UNC5D: variants seen among roughly 807,000 people sequenced by gnomAD.
UNC5D encodes unc-5 netrin receptor D, also known as netrin receptor UNC5D.
A neutral mutation model predicts 105.4 loss-of-function variants in UNC5D; 39 were observed. That is an observed-to-expected ratio of 0.37 (90% CI 0.29 to 0.48). UNC5D has a LOEUF of 0.48. Among genes scored for constraint, UNC5D ranks in the 20% least tolerant of loss-of-function variants. The pLI is 0.98. For missense variants in UNC5D, 991 were observed against 1,202.4 expected (o/e 0.82, Z 2.60); for synonymous variants, 452 against 450.4 (o/e 1.00, Z -0.04).
intron 4 of UNC5D, among the ~76,000 whole-genome samples, chr8:35,638,131 A>T (rs4534130): frequency 0.91 from 137,839 of 152,262 alleles, 62,413 homozygotes; most frequent in East Asian, 0.96. Context: ...ATTTGCTTTT[A>T]AAATTCACAA....
intron 1 of UNC5D, among the ~76,000 whole-genome samples, chr8:35,359,070 G>C (rs1292901756): frequency 6.6e-6 from 1 of 152,168 alleles, no homozygotes; most frequent in Non-Finnish European, 1.5e-5. Flanking sequence ...AGGATCACTT[G>C]AGCCCAGTAG....
intron 1 of UNC5D, among the ~76,000 whole-genome samples, chr8:35,387,903 T>C (rs1188097399): frequency 1.3e-5 from 2 of 152,336 alleles, no homozygotes; most frequent in South Asian, 4.1e-4. Context: ...AAATGAATAC[T>C]ATCTGCTTCT....
At chr8:35,536,579 T>C (rs1814858619) in intron 1 of UNC5D, among the ~76,000 whole-genome samples, 1 of 152,214 alleles carries the variant, frequency 6.6e-6, no homozygotes, top group East Asian at 1.9e-4. Context: ...TGTCAACAGA[T>C]ACCCTTTCTG....
chr8:35,538,391 ATAATTATATATATATATATATAT>A (rs1328721402), intron 1 of UNC5D, among the ~76,000 whole-genome samples: 1 of 105,686 alleles, frequency 9.5e-6, no homozygotes, highest in African/African-American at 4.0e-5. Flanking sequence ...TTAAAAAAAA[ATAATTATATATATATATATATAT>A]ATATATATAT....
At chr8:35,279,987 T>A (rs1432133392) in intron 1 of UNC5D, among the ~76,000 whole-genome samples, 1 of 152,174 alleles carries the variant, frequency 6.6e-6, no homozygotes, top group East Asian at 1.9e-4. Flanking sequence ...GAACTACCTT[T>A]ACTTTCTTTC....
chr8:35,491,813 T>C (rs560022976), intron 1 of UNC5D, among the ~76,000 whole-genome samples: 8 of 152,330 alleles, frequency 5.3e-5, no homozygotes, highest in African/African-American at 1.9e-4. Context: ...TATTCTACTC[T>C]TAGACCTTTA....
chr8:35,422,946 G>A (rs1427066497), intron 1 of UNC5D, among the ~76,000 whole-genome samples: 1 of 152,160 alleles, frequency 6.6e-6, no homozygotes, highest in African/African-American at 2.4e-5. Flanking sequence ...CCCCACAGAT[G>A]AAGAAACAAA....
intron 1 of UNC5D, among the ~76,000 whole-genome samples, chr8:35,498,079 C>CAAAAA (rs141361517): frequency 1.3e-4 from 8 of 59,416 alleles, no homozygotes; most frequent in African/African-American, 2.2e-4. Flanking sequence ...CAAAACAAAA[C>CAAAAA]AAAACAAAAA....
rs180994323 is a variant in UNC5D, at chr8:35,740,298, T to A, written c.1767-8229T>A. 3.0e-4 allele frequency among the ~76,000 whole-genome samples: 45 copies of A among 152,324 alleles called. 1 individual carries two copies. In the East Asian group the frequency reaches 8.1e-3, roughly 27 times the overall value. On this transcript the variant is annotated intron_variant, in intron 11 of 16. Transcript: ENST00000404895. ...CTGGACTCTCCAAGTTTATCTAATG[T>A]ACGGGTCCTTAGGAGAAGAAGGTAG... is the stretch of plus-strand genomic sequence containing the variant.
intron 1 of UNC5D, among the ~76,000 whole-genome samples, chr8:35,352,077 G>A (rs1405799801): frequency 6.6e-6 from 1 of 152,052 alleles, no homozygotes; most frequent in Non-Finnish European, 1.5e-5. Flanking sequence ...ACACATTTAA[G>A]TGTTTTTTGG....
intron 2 of UNC5D, among the ~76,000 whole-genome samples, chr8:35,560,616 C>T (rs937267538): frequency 3.3e-5 from 5 of 152,038 alleles, no homozygotes; most frequent in Non-Finnish European, 5.9e-5. Context: ...ACAAAGAATT[C>T]GTGATTTGCC....
intron 1 of UNC5D, among the ~76,000 whole-genome samples, chr8:35,409,477 T>C (rs1205976055): frequency 2.0e-5 from 3 of 150,622 alleles, no homozygotes; most frequent in Non-Finnish European, 3.0e-5. Flanking sequence ...TGGTTTTAAC[T>C]TAATTTTTTG....
intron 1 of UNC5D, among the ~76,000 whole-genome samples, chr8:35,412,347 G>A (rs754355688): frequency 5.3e-5 from 8 of 151,994 alleles, no homozygotes; most frequent in Non-Finnish European, 1.0e-4. Context: ...TGCTAAAAAT[G>A]TAAGCACTAT....
At chr8:35,416,847 C>A (rs1805563735) in intron 1 of UNC5D, among the ~76,000 whole-genome samples, 1 of 152,194 alleles carries the variant, frequency 6.6e-6, no homozygotes, top group South Asian at 2.1e-4. Context: ...CATGATTCAA[C>A]AGCAAACTCA....
chr8:35,444,544 T>TTC lies in UNC5D; in HGVS notation c.104-104734_104-104733dup, dbSNP rs376588648. On this transcript the variant is annotated intron_variant, in intron 1 of 16. Transcript: ENST00000404895. ...TACCATGCATATAGAAACACACACT[T>TTC]TCTCTCTCTCTCTCTTCCCAAATTC... is the stretch of plus-strand genomic sequence containing the variant. Among the ~76,000 whole-genome samples, 39 of 151,650 alleles carry TTC rather than the reference T, an allele frequency of 2.6e-4. 1 individual carries two copies. The highest frequency in any genetic ancestry group is 8.4e-4 in the African/African-American group (35 of 41,446).
intron 1 of UNC5D, among the ~76,000 whole-genome samples, chr8:35,246,445 T>C (rs201842440): frequency 6.6e-6 from 1 of 152,126 alleles, no homozygotes; most frequent in African/African-American, 2.4e-5. Context: ...TCAGTGGCTG[T>C]AGGTTAATGC....
At chr8:35,389,779 C>A (rs4521753) in intron 1 of UNC5D, among the ~76,000 whole-genome samples, 1 of 146,354 alleles carries the variant, frequency 6.8e-6, no homozygotes, top group African/African-American at 2.5e-5. Context: ...GCAATATGTA[C>A]AAGCAATGGG....
chr8:35,489,475 C>A (rs1811058291), intron 1 of UNC5D, among the ~76,000 whole-genome samples: 2 of 152,156 alleles, frequency 1.3e-5, no homozygotes, highest in African/African-American at 4.8e-5. Flanking sequence ...TCTCCTTAAT[C>A]TAATCTTACT....
chr8:35,259,298 G>T lies in UNC5D; in HGVS notation c.103+23411G>T, dbSNP rs545392321. ...GAGAGGAGGTGGTTGGCAGTGGCTG[G>T]CTGGTAGTTAGGATGGAAGGGGATT... On this transcript the variant is annotated intron_variant, in intron 1 of 16. Coordinates refer to ENST00000404895, the MANE Select transcript of UNC5D (RefSeq NM_080872.4). Among the ~76,000 whole-genome samples the T allele has an allele frequency of 3.9e-5, 6 of 152,280 alleles. No homozygotes were observed. The East Asian group carries it at 1.2e-3, about 29-fold the overall frequency.
Sources: gnomAD v4.1 joint callset for allele counts (sites outside exome capture counted in the v4.1 genomes callset) on GRCh38, gnomAD v4.1.1 for gene constraint, MANE v1.5 for transcripts, NCBI Gene and HGNC (gene_info 2026-07-23, HGNC 2026-07-21) for gene names.